The following MICAL1 variants were observed in gnomAD, a reference collection of about 807,000 sequenced individuals.
MICAL1 encodes the protein microtubule associated monooxygenase, calponin and LIM domain containing 1, also known as [F-actin]-monooxygenase MICAL1.
In MICAL1, 95 loss-of-function variants were observed where a neutral mutation model predicts 131.8. The observed-to-expected ratio is 0.72, with a 90% CI of 0.61 to 0.86. The LOEUF (loss-of-function observed/expected upper bound fraction) is 0.86. Ranked by LOEUF, MICAL1 falls within the 40% of genes least tolerant of loss-of-function variation. The pLI is 0.00. For synonymous variants in MICAL1, 546 were observed against 554.2 expected, an observed-to-expected ratio of 0.99 and a Z score of 0.21; for missense variants, 1,292 against 1,380.6, an observed-to-expected ratio of 0.94 and a Z score of 1.02.
chr6:109,445,971 A>G, intron 19 of MICAL1, 109 bp from the exon 20 acceptor site: 3 of 1,510,908 alleles, frequency 2.0e-6, no homozygotes, highest in South Asian at 1.3e-5. Context: ...GACTGAATGT[A>G]TGTGTTGGGG....
chr6:109,456,369 A>G (rs1775747505), upstream of MICAL1, among the ~76,000 whole-genome samples: 1 of 152,188 alleles, frequency 6.6e-6, no homozygotes, highest in Non-Finnish European at 1.5e-5. Flanking sequence ...GCGCCCCAGG[A>G]TGGATCCAAG....
chr6:109,459,245 G>T (rs562346526), upstream of MICAL1, among the ~76,000 whole-genome samples: 172 of 152,310 alleles, frequency 1.1e-3, no homozygotes, highest in Admixed American at 3.7e-3. Context: ...CATTCATTCA[G>T]CAAGGCACTC....
chr6:109,452,123 C>T, intron 6 of MICAL1, 123 bp downstream of exon 6: 6 of 1,468,362 alleles, frequency 4.1e-6, no homozygotes, highest in Non-Finnish European at 5.4e-6. Context: ...TCCTTTGCTG[C>T]TGAGACCAAA....
chr6:109,465,839 CG>C (rs1562298774), exon 1 of MICAL1: 1 of 1,614,046 alleles, frequency 6.2e-7, no homozygotes, highest in Non-Finnish European at 8.5e-7. Context: ...AGCAGTCAAA[CG>C]TGTTTACAGG....
chr6:109,461,291 A>C (rs1775882117), intron 1 of MICAL1, among the ~76,000 whole-genome samples: 1 of 152,184 alleles, frequency 6.6e-6, no homozygotes, highest in Non-Finnish European at 1.5e-5. Context: ...GAACTCATCC[A>C]TCCTTTTTTA....
At position 109,446,321 on chromosome 6, in the gene MICAL1, C is replaced by G. The variant is rs774018920; in HGVS notation, c.2396G>C (p.Ser799Thr). The change falls in exon 19 of 25, where the codon AGC (serine) becomes ACC (threonine). Residue 799 changes from serine to threonine, a missense_variant. Physicochemically the swap from Ser to Thr is moderately conservative, Grantham distance 58. Coordinates refer to ENST00000358807, the MANE Select transcript of MICAL1 (RefSeq NM_022765.4). The stretch of plus-strand genomic sequence containing the variant: ...GCGGATCTGCCGACGGGTGGGCTGG[C>G]TGGGATCTGGAACAGGACCGGCCCC... ...QEGAGPVPDP[S>T]QPTRRQIRLS... 2 of 1,613,424 alleles carry G rather than the reference C, an allele frequency of 1.2e-6. No homozygotes were observed. Among genetic ancestry groups the G allele is most frequent in the Non-Finnish European group, 1.7e-6 (2 of 1,179,754 alleles).
At chr6:109,460,239 G>A (rs1775851454), upstream of MICAL1, among the ~76,000 whole-genome samples, 1 of 151,870 alleles carries the variant, frequency 6.6e-6, no homozygotes, top group Non-Finnish European at 1.5e-5. Context: ...AGGATCACTT[G>A]AGCTCAGGAG....
In MICAL1 at chr6:109,448,207, G is replaced by T. The variant is rs1444872378; in HGVS notation, c.1851C>A (p.Ser617Arg). The change falls in exon 13 of 25, where the codon AGC becomes AGA. Residue 617 changes from serine to arginine, a missense_variant. Physicochemically the swap from Ser to Arg is moderately radical, Grantham distance 110. Transcript: ENST00000358807. ...FHSAFKSMAH[S>R]PGPVSQASPG... is the part of the protein sequence containing the mutation. Reference sequence around the variant, plus strand: ...CCCGCCTTTCCTTCAGGTCACCTGGGCTGTGGGCCATGCTCTTGAAGGCAC... The same window carrying T: ...CCCGCCTTTCCTTCAGGTCACCTGGTCTGTGGGCCATGCTCTTGAAGGCAC... The T allele has an allele frequency of 6.2e-7, 1 of 1,608,986 alleles. No homozygotes were observed. The highest frequency in any genetic ancestry group is 8.5e-7 in the Non-Finnish European group (1 of 1,179,262).
chr6:109,460,440 A>AAG (rs1554227044), upstream of MICAL1, among the ~76,000 whole-genome samples: 4 of 151,766 alleles, frequency 2.6e-5, no homozygotes, highest in African/African-American at 9.7e-5. Flanking sequence ...AAAAAAAAAA[A>AAG]AAAAGAAATG....
At chr6:109,465,848 A>AG (rs775918494) in exon 1 of MICAL1, 1 of 1,614,206 alleles carries the variant, frequency 6.2e-7, no homozygotes, top group South Asian at 1.1e-5. Flanking sequence ...ACGTGTTTAC[A>AG]GGTCAGCTCT....
rs773064215 is a variant in MICAL1 at position 109,447,227 on chromosome 6, G to A, written c.2073C>T (p.Ala691=). The A allele has an allele frequency of 1.2e-5, 19 of 1,613,882 alleles. No individual in the cohort carries two copies. Among genetic ancestry groups the A allele is most frequent in the African/African-American group, 5.3e-5 (4 of 74,928 alleles). ...PLTPPSQHQE[A]GAGDLCALCG... ...AAAGTGCACACAGGTCCCCAGCACCGGCCTGCGTGGACCCCCAGGACACAG... is the reference window on the plus strand; with the variant it reads ...AAAGTGCACACAGGTCCCCAGCACCAGCCTGCGTGGACCCCCAGGACACAG... The change falls in exon 17 of 25, where the codon GCC becomes GCT. Residue 691 remains alanine, a splice_region_variant and synonymous_variant. Transcript: ENST00000358807.
Position 109,449,288 on chromosome 6 carries a change from G to A in MICAL1, c.1516+112C>T, listed in dbSNP as rs748873107. On this transcript the variant is annotated intron_variant, in intron 11 of 24. Transcript: ENST00000358807. ...CAACCAACCCACCAGCCAACAATGA[G>A]TGCTCCGGCACGCTGCTCCTGTCCT... 2.8e-5 allele frequency: 33 copies of A among 1,180,994 alleles called. No individual in the cohort carries two copies. In the South Asian group the frequency reaches 4.1e-4, roughly 15 times the overall value. The allele number at this position is 1,180,994 out of a possible 1,614,324, so 73.2% of individuals were successfully genotyped here. A position where few individuals can be genotyped will look rare whatever the true frequency, so the allele number is the denominator to read the frequency against.
rs1400038325 is a variant in MICAL1 at position 109,455,658 on chromosome 6, C to A, written c.-44+61G>T. 22 of 972,450 alleles carry A rather than the reference C, an allele frequency of 2.3e-5. No individual in the cohort carries two copies. Among genetic ancestry groups the A allele is most frequent in the Non-Finnish European group, 2.7e-5 (22 of 818,152 alleles). The allele number at this position is 972,450 out of a possible 1,614,324, so 60.2% of individuals were successfully genotyped here. On this transcript the variant is annotated intron_variant, in intron 1 of 24. Transcript: ENST00000358807. The surrounding 1 kb of genome is among the most constrained non-coding windows in gnomAD (Gnocchi z 4.7). The stretch of plus-strand genomic sequence containing the variant: ...GACCGCAGCTGCGTTTCCCCGGAAG[C>A]GCACCCCACCTCACCCCACCCGGCC...
At chr6:109,446,043 A>G (rs1775199869) in intron 19 of MICAL1, 93 bp downstream of exon 19, 2 of 1,485,494 alleles carry the variant, frequency 1.3e-6, no homozygotes, top group Non-Finnish European at 1.8e-6. Flanking sequence ...GATCCCCACA[A>G]CTTCCCTCTG....
chr6:109,448,981 T>G (rs1582644173), intron 11 of MICAL1, 102 bp from the exon 12 acceptor site: 2 of 1,482,572 alleles, frequency 1.3e-6, no homozygotes, highest in East Asian at 4.8e-5. Flanking sequence ...GGAGGAGGAG[T>G]CAGGGACCCA....
chr6:109,444,638 A>G, intron 24 of MICAL1, 87 bp downstream of exon 24: 1 of 1,470,694 alleles, frequency 6.8e-7, no homozygotes. Context: ...AGACTAGAGC[A>G]TCATGTTGCT....
In MICAL1 at chr6:109,446,247, CA is replaced by C. The variant is rs1775209553; in HGVS notation, c.2469del (p.Asp824ThrfsTer80). The C allele has an allele frequency of 1.9e-6, 3 of 1,608,960 alleles. No individual in the cohort carries two copies. Among genetic ancestry groups the C allele is most frequent in the Non-Finnish European group, 1.7e-6 (2 of 1,177,954 alleles). On this transcript the variant is annotated frameshift_variant, in exon 19 of 25. Transcript: ENST00000358807. LOFTEE classifies it high-confidence loss of function. ...TTGGGTGGAGGCTCCATTTCCGGGTCAGGGGTAAGGTTAAGGGAGGACAACC... is the reference window on the plus strand; with the variant it reads ...TTGGGTGGAGGCTCCATTTCCGGGTCGGGGTAAGGTTAAGGGAGGACAACC... ...RQRLSSLNLT[P>X]DPEMEPPPKP...
chr6:109,451,872 G>C, intron 6 of MICAL1, 172 bp from the exon 7 acceptor site: 2 of 1,411,080 alleles, frequency 1.4e-6, no homozygotes, highest in Non-Finnish European at 1.8e-6. Flanking sequence ...TCTGTCCCAG[G>C]CCCAGGAGGC....
chr6:109,463,339 G>C (rs1286302944), intron 1 of MICAL1: 1 of 152,146 alleles, frequency 6.6e-6, no homozygotes, highest in African/African-American at 2.4e-5. Context: ...CAAAGAAAGA[G>C]GCTAGATTAA....
Sources: allele counts gnomAD v4.1 joint callset (sites outside exome capture counted in the v4.1 genomes callset), GRCh38; gene constraint gnomAD v4.1.1; non-coding constraint Gnocchi (gnomAD v3.1); transcripts MANE v1.5; gene names NCBI Gene and HGNC (gene_info 2026-07-23, HGNC 2026-07-21).